The following PTPRO variants were observed in gnomAD, a reference collection of about 807,000 sequenced individuals.
PTPRO encodes the protein receptor-type tyrosine-protein phosphatase O.
Under a neutral mutation model 145.2 loss-of-function variants are expected in PTPRO, and 62 were observed. The ratio of observed to expected loss-of-function variants is 0.43; its 90% CI spans 0.35 to 0.53. The LOEUF (loss-of-function observed/expected upper bound fraction) is 0.53. Ranked by LOEUF, PTPRO falls within the 20% of genes least tolerant of loss-of-function variation. PTPRO has a pLI of 0.01. For missense variants in PTPRO, 1,345 were observed against 1,482.7 expected, an observed-to-expected ratio of 0.91 and a Z score of 1.53; for synonymous variants, 565 against 514.7, an observed-to-expected ratio of 1.10 and a Z score of -1.32.
At chr12:15,436,564 CT>C (rs1196755938) in intron 1 of PTPRO, among the ~76,000 whole-genome samples, 1 of 152,156 alleles carries the variant, frequency 6.6e-6, no homozygotes, top group Non-Finnish European at 1.5e-5. Context: ...AGAGAGAGCA[CT>C]TTGCTTCTCC....
intron 1 of PTPRO, among the ~76,000 whole-genome samples, chr12:15,474,982 T>C (rs1941622409): frequency 6.6e-6 from 1 of 152,212 alleles, no homozygotes; most frequent in Admixed American, 6.5e-5. Flanking sequence ...CTCTGATTTA[T>C]TTTTGGCAAC....
chr12:15,322,950 G>T lies in PTPRO; in HGVS notation c.75+149G>T. ...GCCGTGCAGCCTGGGCGCACGCTTT[G>T]TTGTCCTCGCGTGTGCGTGTTCCTG... On this transcript the variant is annotated intron_variant, in intron 1 of 26. Transcript: ENST00000281171. The surrounding 1 kb of genome is among the most constrained non-coding windows in gnomAD (Gnocchi z 6.3). 2 of 754,296 alleles carry T rather than the reference G, an allele frequency of 2.7e-6. No individual in the cohort carries two copies. The highest frequency in any genetic ancestry group is 3.0e-5 in the Admixed American group (1 of 32,942). 46.7% of individuals were successfully genotyped at this position (754,296 alleles called of 1,614,324 possible).
At chr12:15,486,560 T>C (rs1396201168) in intron 2 of PTPRO, among the ~76,000 whole-genome samples, 1 of 152,108 alleles carries the variant, frequency 6.6e-6, no homozygotes. Flanking sequence ...TAACCTTATA[T>C]GTAATAGTAG....
chr12:15,514,451 CAAAAA>C (rs71438353), intron 7 of PTPRO, among the ~76,000 whole-genome samples: 1 of 68,936 alleles, frequency 1.5e-5, no homozygotes, highest in Non-Finnish European at 2.8e-5. Flanking sequence ...GACTCTGTCT[CAAAAA>C]AAAAAAAAAA....
At chr12:15,521,007 A>C (rs1942707076) in intron 10 of PTPRO, among the ~76,000 whole-genome samples, 1 of 152,226 alleles carries the variant, frequency 6.6e-6, no homozygotes, top group African/African-American at 2.4e-5. Context: ...ATGTAGTTGC[A>C]TCATCAGTAG....
At chr12:15,365,223 A>G (rs930433490) in intron 1 of PTPRO, among the ~76,000 whole-genome samples, 1 of 151,996 alleles carries the variant, frequency 6.6e-6, no homozygotes, top group African/African-American at 2.4e-5. Flanking sequence ...ATCTCTTCCC[A>G]CTTCTTCCAC....
chr12:15,571,522 G>A (rs1334478591), intron 19 of PTPRO, among the ~76,000 whole-genome samples: 1 of 152,120 alleles, frequency 6.6e-6, no homozygotes, highest in Non-Finnish European at 1.5e-5. Flanking sequence ...TCCTTACCTT[G>A]TGATCTAGCT....
At chr12:15,326,877 G>A (rs1204607409) in intron 1 of PTPRO, among the ~76,000 whole-genome samples, 3 of 152,170 alleles carry the variant, frequency 2.0e-5, no homozygotes, top group African/African-American at 7.2e-5. Context: ...GAGCTTTACT[G>A]TAAAGCACTT....
rs986026229 is a variant in PTPRO, at chr12:15,589,325, G to A, written c.3411-130G>A. On this transcript the variant is annotated intron_variant, in intron 24 of 26. Transcript: ENST00000281171. ...CGAGAGGCAGAGGTTGCAGTGAGCC[G>A]AGATCATGCCATTGCACTCCAGCCT... 78 of 1,274,652 alleles carry A rather than the reference G, an allele frequency of 6.1e-5. 1 individual carries two copies. In the Admixed American group the frequency reaches 6.8e-4, roughly 11 times the overall value. The allele number at this position is 1,274,652 out of a possible 1,614,324, so 79.0% of individuals were successfully genotyped here.
chr12:15,381,533 C>T (rs1266802243), intron 1 of PTPRO, among the ~76,000 whole-genome samples: 1 of 152,086 alleles, frequency 6.6e-6, no homozygotes, highest in African/African-American at 2.4e-5. Flanking sequence ...CATCATTAAT[C>T]CCCTGTCCCT....
intron 1 of PTPRO, among the ~76,000 whole-genome samples, chr12:15,436,529 C>T (rs1940599086): frequency 6.6e-6 from 1 of 152,168 alleles, no homozygotes; most frequent in Admixed American, 6.5e-5. Context: ...TACCTTTCCA[C>T]TGGAGATCCA....
At chr12:15,505,988 C>T (rs1231689057) in intron 6 of PTPRO, among the ~76,000 whole-genome samples, 1 of 152,154 alleles carries the variant, frequency 6.6e-6, no homozygotes, top group Non-Finnish European at 1.5e-5. Context: ...AAAATACATA[C>T]TGAATCGCAG....
chr12:15,350,533 T>C lies in PTPRO; in HGVS notation c.75+27732T>C, dbSNP rs114592417. On this transcript the variant is annotated intron_variant, in intron 1 of 26. Coordinates refer to ENST00000281171, the MANE Select transcript of PTPRO (RefSeq NM_030667.3). ...CAGTGAAGGCTGGTGTTGCAACTGATTGTTAAATCTGTCTTGAATTTGCTA... is the reference window on the plus strand; with the variant it reads ...CAGTGAAGGCTGGTGTTGCAACTGACTGTTAAATCTGTCTTGAATTTGCTA... Among the ~76,000 whole-genome samples the C allele has an allele frequency of 8.3e-3, 1,257 of 152,284 alleles. 18 individuals carry two copies. Among genetic ancestry groups the C allele is most frequent in the African/African-American group, 0.029 (1,204 of 41,552 alleles).
chr12:15,568,971 G>A (rs778359909), intron 18 of PTPRO, among the ~76,000 whole-genome samples: 3 of 152,166 alleles, frequency 2.0e-5, no homozygotes, highest in Non-Finnish European at 4.4e-5. Flanking sequence ...TGTAACTACT[G>A]TATTTTATGG....
At chr12:15,386,952 C>T (rs914240441) in intron 1 of PTPRO, among the ~76,000 whole-genome samples, 2 of 152,182 alleles carry the variant, frequency 1.3e-5, no homozygotes, top group Non-Finnish European at 2.9e-5. Context: ...TTTTAGGTCA[C>T]CACTTATTAG....
chr12:15,511,872 G>A (rs759598598), intron 7 of PTPRO, among the ~76,000 whole-genome samples: 14 of 151,804 alleles, frequency 9.2e-5, no homozygotes, highest in Non-Finnish European at 1.6e-4. Flanking sequence ...CTATAATGGC[G>A]TATTTAAACA....
Position 15,501,703 on chromosome 12 carries a change from G to A in PTPRO, c.745G>A (p.Glu249Lys). 1 of 1,613,930 alleles carries A rather than the reference G, an allele frequency of 6.2e-7. No homozygotes were observed. The highest frequency in any genetic ancestry group is 8.5e-7 in the Non-Finnish European group (1 of 1,179,900). ...NWEEQSGNFP[E>K]ESFMRSQDTI... is the part of the protein sequence containing the mutation. ...GGAAGAACAGAGTGGCAATTTCCCA[G>A]AAGAATCCTTCATGAGATCACAAGA... The change falls in exon 5 of 27, where the codon GAA becomes AAA. Residue 249 changes from glutamate to lysine, a missense_variant. Coordinates refer to ENST00000281171, the MANE Select transcript of PTPRO (RefSeq NM_030667.3).
chr12:15,340,051 A>T (rs772050459), intron 1 of PTPRO, among the ~76,000 whole-genome samples: 3 of 152,188 alleles, frequency 2.0e-5, no homozygotes, highest in Non-Finnish European at 2.9e-5. Context: ...AATGATGGAG[A>T]TGATACTGAT....
intron 7 of PTPRO, among the ~76,000 whole-genome samples, chr12:15,510,398 G>A (rs1056011994): frequency 2.0e-5 from 3 of 152,116 alleles, no homozygotes; most frequent in African/African-American, 2.4e-5. Flanking sequence ...ACAGAAAAAC[G>A]TGTTTTCCCC....
Sources: gnomAD v4.1 joint callset for allele counts (sites outside exome capture counted in the v4.1 genomes callset) on GRCh38, gnomAD v4.1.1 for gene constraint, Gnocchi (gnomAD v3.1) non-coding constraint, MANE v1.5 for transcripts, NCBI Gene and HGNC (gene_info 2026-07-23, HGNC 2026-07-21) for gene names.